The following STAU2 variants were observed in gnomAD, a reference collection of about 807,000 sequenced individuals.
The protein encoded by STAU2 is double-stranded RNA-binding protein Staufen homolog 2.
A neutral mutation model predicts 65.9 loss-of-function variants in STAU2; 20 were observed. The ratio of observed to expected loss-of-function variants is 0.30; its 90% CI spans 0.21 to 0.44. The LOEUF (loss-of-function observed/expected upper bound fraction) is 0.44. Ranked by LOEUF, STAU2 falls within the 20% of genes least tolerant of loss-of-function variation. The pLI, the probability that STAU2 is intolerant of heterozygous loss-of-function variation, is 1.00. For synonymous variants in STAU2, 232 were observed against 233.9 expected, an observed-to-expected ratio of 0.99 and a Z score of 0.07; for missense variants, 558 against 683.9, an observed-to-expected ratio of 0.82 and a Z score of 2.05.
At chr8:73,468,641 G>A (rs372807722) in intron 13 of STAU2, among the ~76,000 whole-genome samples, 154 of 152,230 alleles carry the variant, frequency 1.0e-3, no homozygotes, top group East Asian at 7.9e-3. Context: ...AAAAGTGGGC[G>A]AAGGATATGA....
intron 12 of STAU2, among the ~76,000 whole-genome samples, chr8:73,574,667 A>G (rs1020989654): frequency 5.3e-5 from 8 of 152,198 alleles, no homozygotes; most frequent in African/African-American, 1.7e-4. Flanking sequence ...ACAGAAAACC[A>G]AACACTGCAT....
intron 12 of STAU2, among the ~76,000 whole-genome samples, chr8:73,577,317 A>T (rs1809640322): frequency 6.6e-6 from 1 of 151,884 alleles, no homozygotes; most frequent in Non-Finnish European, 1.5e-5. Flanking sequence ...AGTCCCAGCT[A>T]CTGGGAAGGC....
At chr8:73,681,672 A>C (rs1174766963) in intron 5 of STAU2, among the ~76,000 whole-genome samples, 2 of 152,156 alleles carry the variant, frequency 1.3e-5, no homozygotes, top group Non-Finnish European at 2.9e-5. Flanking sequence ...CACTTAAAAG[A>C]TACAGAATGG....
chr8:73,737,749 C>T (rs961878871), intron 3 of STAU2, among the ~76,000 whole-genome samples: 1 of 151,520 alleles, frequency 6.6e-6, no homozygotes, highest in Non-Finnish European at 1.5e-5. Flanking sequence ...TCTATTTGAT[C>T]GGGAAAGGTA....
chr8:73,738,187 G>A (rs1806578826), intron 3 of STAU2, 97 bp downstream of exon 3: 2 of 1,098,422 alleles, frequency 1.8e-6, no homozygotes, highest in Admixed American at 1.8e-5. Context: ...TGATGAGTCA[G>A]GTTACAGTTA....
At chr8:73,561,473 C>T (rs969997098) in intron 12 of STAU2, 5 of 449,650 alleles carry the variant, frequency 1.1e-5, no homozygotes, top group African/African-American at 1.0e-4. Flanking sequence ...AAATGTTGCT[C>T]GTAAAATAAA....
At chr8:73,544,612 A>C (rs570205841) in intron 13 of STAU2, among the ~76,000 whole-genome samples, 1 of 152,338 alleles carries the variant, frequency 6.6e-6, no homozygotes, top group African/African-American at 2.4e-5. Flanking sequence ...GTATTCTTTA[A>C]AACATATTTC....
At chr8:73,426,764 T>A (rs867236012) in intron 13 of STAU2, among the ~76,000 whole-genome samples, 2 of 152,168 alleles carry the variant, frequency 1.3e-5, no homozygotes, top group Admixed American at 6.5e-5. Context: ...TTCGGTAGCA[T>A]CATTTCTCAT....
At chr8:73,736,329 GA>G (rs1385972605) in intron 3 of STAU2, among the ~76,000 whole-genome samples, 3 of 152,174 alleles carry the variant, frequency 2.0e-5, no homozygotes, top group Admixed American at 2.0e-4. Flanking sequence ...ATAAATGTAT[GA>G]AAACTATTTA....
chr8:73,544,732 G>C (rs1398957261), intron 13 of STAU2, among the ~76,000 whole-genome samples: 1 of 152,010 alleles, frequency 6.6e-6, no homozygotes, highest in African/African-American at 2.4e-5. Flanking sequence ...CATTTATCAG[G>C]TTATACTTAC....
intron 9 of STAU2, among the ~76,000 whole-genome samples, chr8:73,611,551 C>A (rs1311637327): frequency 1.3e-5 from 2 of 152,058 alleles, no homozygotes; most frequent in East Asian, 3.9e-4. Flanking sequence ...TGGGGAATAA[C>A]ATTTAAATAA....
At chr8:73,458,499 C>T (rs1156912957) in intron 13 of STAU2, among the ~76,000 whole-genome samples, 1 of 152,190 alleles carries the variant, frequency 6.6e-6, no homozygotes, top group East Asian at 1.9e-4. Flanking sequence ...TCTCCCAATA[C>T]TTGTGAAGCA....
intron 4 of STAU2, among the ~76,000 whole-genome samples, chr8:73,700,262 C>T (rs1468594845): frequency 1.3e-5 from 2 of 151,986 alleles, no homozygotes; most frequent in South Asian, 2.1e-4. Context: ...GTCTGTAACA[C>T]AACAAAGATG....
chr8:73,699,303 GAAGAA>G (rs1276708931), intron 4 of STAU2, among the ~76,000 whole-genome samples: 3 of 151,848 alleles, frequency 2.0e-5, no homozygotes, highest in Non-Finnish European at 4.4e-5. Flanking sequence ...AAAATTAGTA[GAAGAA>G]AAGAAATAAT....
Position 73,695,193 on chromosome 8 carries a change from A to T in STAU2, c.115-6380T>A, listed in dbSNP as rs192039542. On this transcript the variant is annotated intron_variant, in intron 4 of 14. Transcript: ENST00000524300. The stretch of plus-strand genomic sequence containing the variant: ...CCAGGAAGTGCAACTTGTAGCAACG[A>T]AAGTATCTACTTCCTTCTGCTTAAG... Among the ~76,000 whole-genome samples, 7 of 152,342 alleles carry T rather than the reference A, an allele frequency of 4.6e-5. No individual in the cohort carries two copies. In the East Asian group the frequency reaches 1.2e-3, roughly 25 times the overall value.
chr8:73,663,874 C>T (rs1430601752), intron 6 of STAU2, among the ~76,000 whole-genome samples: 2 of 152,148 alleles, frequency 1.3e-5, no homozygotes, highest in East Asian at 3.8e-4. Context: ...GTATACTAAC[C>T]TTGCAACTTG....
At chr8:73,519,283 A>G (rs1822912325) in intron 13 of STAU2, among the ~76,000 whole-genome samples, 1 of 152,196 alleles carries the variant, frequency 6.6e-6, no homozygotes, top group South Asian at 2.1e-4. Flanking sequence ...TCACTTAAGT[A>G]TGTCTTTTAT....
chr8:73,469,420 G>A (rs1446342792), intron 13 of STAU2, among the ~76,000 whole-genome samples: 3 of 150,842 alleles, frequency 2.0e-5, no homozygotes, highest in Non-Finnish European at 2.9e-5. Context: ...AAAGCTGCAC[G>A]TTGTGCACCT....
intron 1 of STAU2, among the ~76,000 whole-genome samples, chr8:73,741,304 C>CAAAAAA (rs761906073): frequency 8.9e-6 from 1 of 112,110 alleles, no homozygotes; most frequent in Non-Finnish European, 1.7e-5. Flanking sequence ...GACTCCGTCT[C>CAAAAAA]AAAAAAAAAA....
Sources: allele counts gnomAD v4.1 joint callset (sites outside exome capture counted in the v4.1 genomes callset), GRCh38; gene constraint gnomAD v4.1.1; transcripts MANE v1.5; gene names NCBI Gene and HGNC (gene_info 2026-07-23, HGNC 2026-07-21).